The following HSPA12A variants were observed in gnomAD, a reference collection of about 807,000 sequenced individuals.
HSPA12A encodes heat shock protein family A (Hsp70) member 12A, also known as heat shock 70 kDa protein 12A.
A neutral mutation model predicts 69.2 loss-of-function variants in HSPA12A; 28 were observed. The observed-to-expected ratio is 0.40, with a 90% CI of 0.30 to 0.55. HSPA12A has a LOEUF of 0.55. HSPA12A is among the 20% of genes least tolerant of loss of function. HSPA12A has a pLI of 0.38. For missense variants in HSPA12A, 686 were observed against 900.7 expected, an observed-to-expected ratio of 0.76 and a Z score of 3.05; for synonymous variants, 345 against 370.5, an observed-to-expected ratio of 0.93 and a Z score of 0.79.
rs1256209509 is a variant in HSPA12A at position 116,707,206 on chromosome 10, A to G, written c.120T>C (p.His40=). The G allele has an allele frequency of 1.9e-6, 3 of 1,589,652 alleles. No individual in the cohort carries two copies. In the South Asian group the frequency reaches 3.4e-5, roughly 18 times the overall value. Residue 40 remains histidine, a synonymous_variant, in exon 2 of 12, where the codon CAT becomes CAC. Coordinates refer to ENST00000369209, the MANE Select transcript of HSPA12A (RefSeq NM_025015.3). ...DTGITPLSPS[H]IVNDTDSNVS... ...ACACACACACACTTCTTACCACAAT[A>G]TGGGAGGGGGACAGAGGCGTTATTC...
At position 116,689,612 on chromosome 10, in the gene HSPA12A, CACAGACAGACAG is replaced by C. The variant is rs58875112; in HGVS notation, c.663+2727_663+2738del. Among the ~76,000 whole-genome samples the C allele has an allele frequency of 1.0e-2, 1,504 of 150,658 alleles. 25 individuals carry two copies. Among genetic ancestry groups the C allele is most frequent in the African/African-American group, 0.034 (1,408 of 40,892 alleles). On this transcript the variant is annotated intron_variant, in intron 6 of 11. Coordinates refer to ENST00000369209, the MANE Select transcript of HSPA12A (RefSeq NM_025015.3). ...ACAGAAGCAGTAGGGCATACAGACA[CACAGACAGACAG>C]ACAGACAGACAGACAGATAGATAAT...
chr10:116,722,891 G>C (rs1256437121), intron 1 of HSPA12A, among the ~76,000 whole-genome samples: 1 of 152,150 alleles, frequency 6.6e-6, no homozygotes, highest in Non-Finnish European at 1.5e-5. Flanking sequence ...TGAAGGGGGT[G>C]GGGGAAGGTA....
At chr10:116,732,350 A>AAGAAAGAAAGAAAGAAAGAAAGAG (rs1564800232) in intron 1 of HSPA12A, among the ~76,000 whole-genome samples, 10 of 148,370 alleles carry the variant, frequency 6.7e-5, no homozygotes, top group Non-Finnish European at 1.1e-4. Flanking sequence ...GAAAGAAAGA[A>AAGAAAGAAAGAAAGAAAGAAAGAG]AGAGACAGAG....
At chr10:116,683,135 G>C (rs1356123744) in intron 7 of HSPA12A, among the ~76,000 whole-genome samples, 7 of 152,010 alleles carry the variant, frequency 4.6e-5, no homozygotes, top group Non-Finnish European at 1.0e-4. Flanking sequence ...CCTTGACCCT[G>C]ACAGGGCGTG....
At chr10:116,724,041 T>C (rs984799277) in intron 1 of HSPA12A, among the ~76,000 whole-genome samples, 3 of 152,184 alleles carry the variant, frequency 2.0e-5, no homozygotes, top group East Asian at 1.9e-4. Context: ...TGGGCTACTT[T>C]TCAAGCAGCC....
rs1554884663 is a variant in HSPA12A at position 116,723,481 on chromosome 10, C to T, written c.41-16196G>A. On this transcript the variant is annotated intron_variant, in intron 1 of 11. Coordinates refer to ENST00000369209, the MANE Select transcript of HSPA12A (RefSeq NM_025015.3). This position sits in a 1 kb window ranked among gnomAD's most constrained non-coding sequence, Gnocchi z 4.1. ...GGGCAACACCCAGTTCCACCCTCACCAGCTCTGTCACAGACGGGACTCTGT... is the reference window on the plus strand; with the variant it reads ...GGGCAACACCCAGTTCCACCCTCACTAGCTCTGTCACAGACGGGACTCTGT... 1.3e-5 allele frequency among the ~76,000 whole-genome samples: 2 copies of T among 152,180 alleles called. No individual in the cohort carries two copies.
intron 7 of HSPA12A, 168 bp downstream of exon 7, chr10:116,683,623 G>T: frequency 1.9e-6 from 1 of 512,826 alleles, no homozygotes. Flanking sequence ...GTCCTTGGAG[G>T]GGCCAGGTAG....
intron 1 of HSPA12A, among the ~76,000 whole-genome samples, chr10:116,725,365 C>T (rs1288857720): frequency 6.6e-6 from 1 of 152,218 alleles, no homozygotes; most frequent in Non-Finnish European, 1.5e-5. Context: ...AGCTCCACCT[C>T]TGAGCTTCCA....
At chr10:116,845,773 T>C (rs1448160231) in intron 1 of HSPA12A, among the ~76,000 whole-genome samples, 1 of 152,144 alleles carries the variant, frequency 6.6e-6, no homozygotes, top group Non-Finnish European at 1.5e-5. Flanking sequence ...ACAAAGAATG[T>C]GTAAAGTATG....
chr10:116,820,684 C>T (rs1845395934), intron 2 of HSPA12A, among the ~76,000 whole-genome samples: 1 of 149,852 alleles, frequency 6.7e-6, no homozygotes, highest in East Asian at 2.0e-4. Flanking sequence ...CTCTCATTCC[C>T]ATCTACACTC....
At chr10:116,699,873 G>T (rs10787714) in intron 4 of HSPA12A, among the ~76,000 whole-genome samples, 33,997 of 152,222 alleles carry the variant, frequency 0.22, 4,562 homozygotes, top group Middle Eastern at 0.4. Context: ...GGACAACCAC[G>T]CCGATGGGCA....
chr10:116,791,536 T>C (rs1478157552), intron 2 of HSPA12A, among the ~76,000 whole-genome samples: 2 of 152,032 alleles, frequency 1.3e-5, no homozygotes, highest in Non-Finnish European at 2.9e-5. Context: ...TTGCTTGGAG[T>C]CCACATGTCT....
chr10:116,731,855 G>A (rs1248770199), intron 1 of HSPA12A, among the ~76,000 whole-genome samples: 4 of 152,110 alleles, frequency 2.6e-5, no homozygotes, highest in South Asian at 2.1e-4. Context: ...TTGCGGCCTC[G>A]TCTGGGAATC....
At chr10:116,775,790 A>C (rs1318550782) in intron 2 of HSPA12A, among the ~76,000 whole-genome samples, 2 of 152,082 alleles carry the variant, frequency 1.3e-5, no homozygotes, top group African/African-American at 4.8e-5. Context: ...TCCCCGAGAC[A>C]GTGACCTGGC....
chr10:116,742,221 C>T (rs1316311990), intron 1 of HSPA12A, among the ~76,000 whole-genome samples: 4 of 151,910 alleles, frequency 2.6e-5, no homozygotes, highest in Non-Finnish European at 5.9e-5. Context: ...GGGCGCAGAA[C>T]ATGTGACCCG....
intron 1 of HSPA12A, among the ~76,000 whole-genome samples, chr10:116,841,272 A>G (rs1322171574): frequency 1.3e-5 from 2 of 152,216 alleles, no homozygotes; most frequent in African/African-American, 2.4e-5. Flanking sequence ...AACATCATTA[A>G]TAACATAATA....
At chr10:116,734,293 T>C (rs1462967524) in intron 1 of HSPA12A, among the ~76,000 whole-genome samples, 1 of 151,476 alleles carries the variant, frequency 6.6e-6, no homozygotes, top group Non-Finnish European at 1.5e-5. Context: ...CTACTAAAAA[T>C]ACAAAAATTA....
At chr10:116,774,138 T>C (rs1316477913) in intron 2 of HSPA12A, among the ~76,000 whole-genome samples, 8 of 151,484 alleles carry the variant, frequency 5.3e-5, no homozygotes, top group Admixed American at 3.9e-4. Context: ...GCCTCCCAAG[T>C]AGCTGGGACT....
At chr10:116,738,948 T>C (rs569901222) in intron 1 of HSPA12A, among the ~76,000 whole-genome samples, 2 of 152,288 alleles carry the variant, frequency 1.3e-5, no homozygotes, top group South Asian at 4.1e-4. Context: ...GACACGGAAG[T>C]GGATCCCATA....
Sources: allele counts gnomAD v4.1 joint callset (sites outside exome capture counted in the v4.1 genomes callset), GRCh38; gene constraint gnomAD v4.1.1; non-coding constraint Gnocchi (gnomAD v3.1); transcripts MANE v1.5; gene names NCBI Gene and HGNC (gene_info 2026-07-23, HGNC 2026-07-21).